Variants in TMEM236 observed in about 807,000 individuals in gnomAD.
The protein encoded by TMEM236 is transmembrane protein 236.
A neutral mutation model predicts 14.7 loss-of-function variants in TMEM236; 11 were observed. The observed-to-expected ratio is 0.75, with a 90% CI of 0.47 to 1.24. The LOEUF (loss-of-function observed/expected upper bound fraction) is 1.24. TMEM236 is among the 50% of genes most tolerant of loss of function. The probability of loss-of-function intolerance (pLI) is 0.00; values close to 1 mark genes in which losing one functional copy is unlikely to be tolerated. For missense variants in TMEM236, 464 were observed against 427.3 expected, an observed-to-expected ratio of 1.09 and a Z score of -0.76; for synonymous variants, 182 against 168.6, an observed-to-expected ratio of 1.08 and a Z score of -0.62.
intron 2 of TMEM236, 65 bp downstream of exon 2, chr10:17,771,446 T>C: frequency 6.6e-7 from 1 of 1,509,286 alleles, no homozygotes; most frequent in East Asian, 2.3e-5. Flanking sequence ...GTTATTGGAA[T>C]TTGATAGAGC....
At chr10:17,782,845 A>C (rs1837776179) in intron 3 of TMEM236, among the ~76,000 whole-genome samples, 2 of 152,178 alleles carry the variant, frequency 1.3e-5, no homozygotes, top group Non-Finnish European at 1.5e-5. Context: ...GCAGATCCCC[A>C]GTTGTTGAAC....
rs1297379733 is a variant in TMEM236 at position 17,767,441 on chromosome 10, T to TA, written c.258-3867dup. On this transcript the variant is annotated intron_variant, in intron 1 of 3. Coordinates refer to ENST00000377495, the MANE Select transcript of TMEM236 (RefSeq NM_001098844.3). ...AGCCATTGCACTCCAGCCTGGGTGATAGAGTAAGACTCCATCTCAAAAAAT... is the reference window on the plus strand; with the variant it reads ...AGCCATTGCACTCCAGCCTGGGTGATAAGAGTAAGACTCCATCTCAAAAAAT... Among the ~76,000 whole-genome samples, 249 of 152,222 alleles carry TA rather than the reference T, an allele frequency of 1.6e-3. 2 individuals are homozygous for TA. In the Middle Eastern group the frequency reaches 0.058, roughly 36 times the overall value.
intron 3 of TMEM236, among the ~76,000 whole-genome samples, chr10:17,783,230 A>G (rs1263031654): frequency 6.6e-6 from 1 of 152,188 alleles, no homozygotes; most frequent in African/African-American, 2.4e-5. Context: ...GAACACTGCC[A>G]GAAGAAAGTG....
chr10:17,785,577 C>CTT (rs564814740), intron 3 of TMEM236, among the ~76,000 whole-genome samples: 3 of 147,284 alleles, frequency 2.0e-5, no homozygotes, highest in African/African-American at 7.5e-5. Context: ...AAGGATGTAG[C>CTT]TTTTTTTTTT....
intron 3 of TMEM236, among the ~76,000 whole-genome samples, chr10:17,792,083 TTTAA>T (rs1246954587): frequency 1.3e-5 from 2 of 151,380 alleles, no homozygotes; most frequent in Admixed American, 6.6e-5. Flanking sequence ...TTTCTTCCTC[TTTAA>T]TTAATTAATT....
intron 1 of TMEM236, among the ~76,000 whole-genome samples, chr10:17,766,370 C>A (rs1310625874): frequency 6.6e-6 from 1 of 152,132 alleles, no homozygotes; most frequent in Non-Finnish European, 1.5e-5. Context: ...ATAATATGTT[C>A]CTCATTTCCA....
intron 1 of TMEM236, among the ~76,000 whole-genome samples, chr10:17,762,067 C>T (rs1564593215): frequency 6.6e-6 from 1 of 152,084 alleles, no homozygotes; most frequent in Non-Finnish European, 1.5e-5. Context: ...GCTTTTTGAA[C>T]ACTCCCATCA....
chr10:17,752,457 T>G lies in TMEM236; in HGVS notation c.162T>G (p.Ser54=), dbSNP rs1159970482. The G allele has an allele frequency of 6.2e-7, 1 of 1,613,892 alleles. No homozygotes were observed. The highest frequency in any genetic ancestry group is 8.5e-7 in the Non-Finnish European group (1 of 1,179,866). ...NTHYWLIISC[S]IAYVALVTLL... ...ACTACTGGCTGATCATCTCCTGTTC[T>G]ATTGCCTATGTTGCGTTAGTGACTC... Residue 54 remains serine, a synonymous_variant, in exon 1 of 4, where the codon TCT becomes TCG. Transcript: ENST00000377495.
chr10:17,762,494 A>T (rs1837381302), intron 1 of TMEM236, among the ~76,000 whole-genome samples: 1 of 150,062 alleles, frequency 6.7e-6, no homozygotes, highest in African/African-American at 2.4e-5. Flanking sequence ...GTTTTACTAG[A>T]AATCCTCTGG....
chr10:17,777,257 G>A (rs1327224087), intron 3 of TMEM236, among the ~76,000 whole-genome samples: 1 of 152,072 alleles, frequency 6.6e-6, no homozygotes, highest in African/African-American at 2.4e-5. Flanking sequence ...GGGAGATGAC[G>A]GTCTGTTATG....
chr10:17,754,113 T>G (rs1837248872), intron 1 of TMEM236, among the ~76,000 whole-genome samples: 1 of 152,202 alleles, frequency 6.6e-6, no homozygotes, highest in Non-Finnish European at 1.5e-5. Flanking sequence ...ATGTTGGACT[T>G]AATTCTCCTG....
chr10:17,752,657 C>A, intron 1 of TMEM236, 105 bp downstream of exon 1: 1 of 1,161,240 alleles, frequency 8.6e-7, no homozygotes, highest in South Asian at 1.3e-5. Context: ...ACGTCCGCCT[C>A]CTGGGTTCAA....
At chr10:17,766,732 A>C (rs1164636409) in intron 1 of TMEM236, among the ~76,000 whole-genome samples, 3 of 152,212 alleles carry the variant, frequency 2.0e-5, no homozygotes, top group African/African-American at 7.2e-5. Context: ...GGCTTGAGCA[A>C]CAGAAATTTA....
rs980734409 is a variant in TMEM236, at chr10:17,791,449, C to T, written c.473-4472C>T. On this transcript the variant is annotated intron_variant, in intron 3 of 3. Transcript: ENST00000377495. ...CTCCGGTCTGGGCAACAGAGCAAGA[C>T]GCTGTCTCTAAAATAACGTAAAGTG... Among the ~76,000 whole-genome samples, 59 of 152,190 alleles carry T rather than the reference C, an allele frequency of 3.9e-4. 2 individuals carry two copies. The highest frequency in any genetic ancestry group is 4.2e-4 in the South Asian group (2 of 4,816).
intron 3 of TMEM236, among the ~76,000 whole-genome samples, chr10:17,777,466 T>G (rs898045912): frequency 1.6e-3 from 237 of 152,228 alleles, no homozygotes; most frequent in Middle Eastern, 3.4e-3. Context: ...AATATAATTT[T>G]TTTTTCAATT....
chr10:17,775,878 G>A (rs1015581819), intron 2 of TMEM236, 151 bp from the exon 3 acceptor site: 347 of 908,470 alleles, frequency 3.8e-4, no homozygotes, highest in Non-Finnish European at 5.5e-4. Context: ...AAACCTTGTG[G>A]CATTTAAAAC....
chr10:17,758,407 G>T (rs999626835), intron 1 of TMEM236, among the ~76,000 whole-genome samples: 120 of 152,230 alleles, frequency 7.9e-4, no homozygotes, highest in African/African-American at 2.8e-3. Context: ...TAAATGGTGT[G>T]CCCCAGGAAT....
chr10:17,752,207 C>A lies in TMEM236; in HGVS notation c.-89C>A. Reference sequence around the variant, plus strand: ...TGGTTAGCGATTCGAGGACAAGGAACTTGATCCCAGTTCAGTGTCTGTGGG... The same window carrying A: ...TGGTTAGCGATTCGAGGACAAGGAAATTGATCCCAGTTCAGTGTCTGTGGG... On this transcript the variant is annotated 5_prime_UTR_variant, in exon 1 of 4. Coordinates refer to ENST00000377495, the MANE Select transcript of TMEM236 (RefSeq NM_001098844.3). 2 of 1,607,588 alleles carry A rather than the reference C, an allele frequency of 1.2e-6. No individual in the cohort carries two copies. Among genetic ancestry groups the A allele is most frequent in the African/African-American group, 1.3e-5 (1 of 74,834 alleles).
intron 1 of TMEM236, among the ~76,000 whole-genome samples, chr10:17,756,019 C>T (rs1411203919): frequency 1.3e-5 from 2 of 152,170 alleles, no homozygotes; most frequent in Non-Finnish European, 2.9e-5. Flanking sequence ...TTAATCCCAA[C>T]ACTTTGGGAG....
Sources: gnomAD v4.1 joint callset for allele counts (sites outside exome capture counted in the v4.1 genomes callset) on GRCh38, gnomAD v4.1.1 for gene constraint, MANE v1.5 for transcripts, NCBI Gene and HGNC (gene_info 2026-07-23, HGNC 2026-07-21) for gene names.